Variants in FHIT observed in about 807,000 individuals in gnomAD.
FHIT encodes the protein bis(5'-adenosyl)-triphosphatase.
Under a neutral mutation model 17.9 loss-of-function variants are expected in FHIT, and 19 were observed. That is an observed-to-expected ratio of 1.06 (90% CI 0.74 to 1.56). The LOEUF is 1.56. Among genes scored for constraint, FHIT ranks in the 40% most tolerant of loss-of-function variants. FHIT has a pLI of 0.00. For missense variants in FHIT, 248 were observed against 189.2 expected, an observed-to-expected ratio of 1.31 and a Z score of -1.82; for synonymous variants, 81 against 69.7, an observed-to-expected ratio of 1.16 and a Z score of -0.81.
At chr3:60,769,387 C>A (rs1416957017) in intron 4 of FHIT, among the ~76,000 whole-genome samples, 1 of 152,140 alleles carries the variant, frequency 6.6e-6, no homozygotes, top group Non-Finnish European at 1.5e-5. Context: ...ACAAATCACT[C>A]ATTTTGCTTT....
chr3:60,379,607 C>A (rs1342061876), intron 5 of FHIT, among the ~76,000 whole-genome samples: 3 of 152,100 alleles, frequency 2.0e-5, no homozygotes, highest in Non-Finnish European at 4.4e-5. Flanking sequence ...CAGAGCAGGT[C>A]ATTACCAAAA....
chr3:59,810,412 C>A (rs1463808132), intron 8 of FHIT, among the ~76,000 whole-genome samples: 1 of 152,128 alleles, frequency 6.6e-6, no homozygotes, highest in South Asian at 2.1e-4. Context: ...CTCAGAGTGA[C>A]CCTCCCAAAT....
At chr3:60,093,409 C>T (rs566107542) in intron 5 of FHIT, among the ~76,000 whole-genome samples, 36 of 152,296 alleles carry the variant, frequency 2.4e-4, no homozygotes, top group Non-Finnish European at 4.7e-4. Context: ...TGAGATTACA[C>T]TGAGCCCACC....
At chr3:59,821,760 A>ATTTTT (rs1700799945) in intron 8 of FHIT, among the ~76,000 whole-genome samples, 5 of 151,904 alleles carry the variant, frequency 3.3e-5, no homozygotes, top group Admixed American at 1.3e-4. Flanking sequence ...TTTTTTAAAA[A>ATTTTT]AAATATATAA....
intron 3 of FHIT, among the ~76,000 whole-genome samples, chr3:60,958,898 C>T (rs1709289485): frequency 1.3e-5 from 2 of 152,070 alleles, no homozygotes; most frequent in African/African-American, 4.8e-5. Flanking sequence ...AATTATTTAG[C>T]AATGGAATTA....
At chr3:60,744,929 A>G (rs2042326800) in intron 4 of FHIT, among the ~76,000 whole-genome samples, 1 of 152,196 alleles carries the variant, frequency 6.6e-6, no homozygotes, top group South Asian at 2.1e-4. Context: ...AAGGTGAGTC[A>G]AAACAACCAT....
chr3:60,667,291 C>A (rs900214757), intron 4 of FHIT, among the ~76,000 whole-genome samples: 14 of 151,858 alleles, frequency 9.2e-5, no homozygotes, highest in African/African-American at 3.4e-4. Flanking sequence ...TTCATTTTTT[C>A]AGTCTATTTT....
chr3:60,890,369 A>ATGCAGCCAG (rs1424707974), intron 3 of FHIT, among the ~76,000 whole-genome samples: 2 of 152,208 alleles, frequency 1.3e-5, no homozygotes, highest in African/African-American at 4.8e-5. Context: ...CGAAAGCTGA[A>ATGCAGCCAG]TGCAGCCTAG....
chr3:61,103,877 C>T (rs2035911062), intron 2 of FHIT, among the ~76,000 whole-genome samples: 1 of 151,282 alleles, frequency 6.6e-6, no homozygotes, highest in African/African-American at 2.4e-5. Flanking sequence ...GGATTTCAAC[C>T]CCTGCTTTTT....
At chr3:60,704,956 C>G (rs574950008) in intron 4 of FHIT, among the ~76,000 whole-genome samples, 1 of 151,922 alleles carries the variant, frequency 6.6e-6, no homozygotes, top group Non-Finnish European at 1.5e-5. Flanking sequence ...GACTGCCACT[C>G]TGTCCAAGAG....
intron 5 of FHIT, among the ~76,000 whole-genome samples, chr3:60,180,479 G>C (rs1222567558): frequency 6.6e-6 from 1 of 152,184 alleles, no homozygotes; most frequent in African/African-American, 2.4e-5. Context: ...AATTTTCATG[G>C]AGACAAAATC....
At chr3:60,027,723 A>AG (rs1490298596) in intron 5 of FHIT, among the ~76,000 whole-genome samples, 2 of 149,014 alleles carry the variant, frequency 1.3e-5, no homozygotes, top group African/African-American at 4.9e-5. Context: ...TTAGTTTATA[A>AG]AAAAAAAAAA....
intron 5 of FHIT, among the ~76,000 whole-genome samples, chr3:60,172,965 T>C (rs1337256115): frequency 1.3e-5 from 2 of 152,206 alleles, no homozygotes; most frequent in Non-Finnish European, 2.9e-5. Flanking sequence ...CTGTATGATA[T>C]GGGTAACGAA....
Position 60,099,755 on chromosome 3 carries a change from A to C in FHIT, c.104-85603T>G, listed in dbSNP as rs1301763495. On this transcript the variant is annotated intron_variant, in intron 5 of 9. Transcript: ENST00000492590. ...GACTTTTTAATGGTTTACTGGGAGT[A>C]TTAAATGCATTTTAACTCATGATAA... Among the ~76,000 whole-genome samples the C allele has an allele frequency of 2.0e-5, 3 of 152,184 alleles. No homozygotes were observed. The East Asian group carries it at 5.8e-4, about 29-fold the overall frequency.
Position 59,942,426 on chromosome 3 carries a change from A to C in FHIT, c.280-20012T>G, listed in dbSNP as rs539451087. Among the ~76,000 whole-genome samples, 7 of 152,294 alleles carry C rather than the reference A, an allele frequency of 4.6e-5. No individual in the cohort carries two copies. The East Asian group carries it at 1.4e-3, about 29-fold the overall frequency. On this transcript the variant is annotated intron_variant, in intron 7 of 9. Transcript: ENST00000492590. Reference sequence around the variant, plus strand: ...CACCCTCCTCATACGCCTGTGGACAAGTTTGTCAGACCATTGGTTAAATAT... The same window carrying C: ...CACCCTCCTCATACGCCTGTGGACACGTTTGTCAGACCATTGGTTAAATAT...
At chr3:60,157,263 T>C (rs1700743494) in intron 5 of FHIT, among the ~76,000 whole-genome samples, 1 of 152,122 alleles carries the variant, frequency 6.6e-6, no homozygotes, top group Non-Finnish European at 1.5e-5. Context: ...ATCGGTTATG[T>C]CGGCCAAGGA....
chr3:61,222,363 G>A (rs753714638), intron 1 of FHIT, among the ~76,000 whole-genome samples: 6 of 152,190 alleles, frequency 3.9e-5, no homozygotes, highest in Non-Finnish European at 5.9e-5. Context: ...GGAGGTGGCC[G>A]GGTAAGGTGC....
At chr3:59,944,656 C>T (rs1457579861) in intron 7 of FHIT, among the ~76,000 whole-genome samples, 1 of 151,970 alleles carries the variant, frequency 6.6e-6, no homozygotes, top group Non-Finnish European at 1.5e-5. Flanking sequence ...ATGGGTAATT[C>T]TTTGATCCGC....
At chr3:60,116,374 C>T (rs149579957) in intron 5 of FHIT, among the ~76,000 whole-genome samples, 76 of 152,266 alleles carry the variant, frequency 5.0e-4, no homozygotes, top group Non-Finnish European at 9.3e-4. Context: ...AAAGTATTCT[C>T]GATAGCGGGC....
Sources: allele counts gnomAD v4.1 joint callset (sites outside exome capture counted in the v4.1 genomes callset), GRCh38; gene constraint gnomAD v4.1.1; transcripts MANE v1.5; gene names NCBI Gene and HGNC (gene_info 2026-07-23, HGNC 2026-07-21).